TENM3: variants seen among roughly 807,000 people sequenced by gnomAD.
TENM3 encodes the protein teneurin transmembrane protein 3, also known as teneurin-3.
A neutral mutation model predicts 255.1 loss-of-function variants in TENM3; 63 were observed. The ratio of observed to expected loss-of-function variants is 0.25; its 90% CI spans 0.20 to 0.30. The LOEUF is 0.30. TENM3 is among the 10% of genes least tolerant of loss of function. The probability of loss-of-function intolerance (pLI) is 1.00; values close to 1 mark genes in which losing one functional copy is unlikely to be tolerated. For synonymous variants in TENM3, 1,306 were observed against 1,322.3 expected, an observed-to-expected ratio of 0.99 and a Z score of 0.27; for missense variants, 2,929 against 3,461.1, an observed-to-expected ratio of 0.85 and a Z score of 3.86.
the TENM3 span, among the ~76,000 whole-genome samples, chr4:182,056,998 G>A: frequency 6.6e-6 from 1 of 150,906 alleles, no homozygotes; most frequent in Non-Finnish European, 1.5e-5. Context: ...AATCAGATAC[G>A]GCTGATTTCT....
At chr4:182,464,070 A>G (rs1042762640) in intron 3 of TENM3, among the ~76,000 whole-genome samples, 1 of 152,346 alleles carries the variant, frequency 6.6e-6, no homozygotes, top group Admixed American at 6.5e-5. Context: ...CACTTTTATA[A>G]ACATATATAA....
the TENM3 span, among the ~76,000 whole-genome samples, chr4:182,020,084 G>A: frequency 6.6e-6 from 1 of 152,142 alleles, no homozygotes; most frequent in Non-Finnish European, 1.5e-5. Context: ...GTAATCTGGG[G>A]CCAGGTGCTG....
intron 3 of TENM3, among the ~76,000 whole-genome samples, chr4:182,456,859 C>G (rs1326405487): frequency 6.6e-6 from 1 of 152,122 alleles, no homozygotes; most frequent in Non-Finnish European, 1.5e-5. Context: ...TATTTCTGCT[C>G]TCTTGCTCCA....
chr4:182,039,509 A>G, the TENM3 span, among the ~76,000 whole-genome samples: 4 of 152,206 alleles, frequency 2.6e-5, no homozygotes, highest in Non-Finnish European at 5.9e-5. Context: ...AAAAACACCA[A>G]GGACATATAT....
At chr4:182,416,830 T>G (rs1770397632) in intron 3 of TENM3, among the ~76,000 whole-genome samples, 1 of 152,238 alleles carries the variant, frequency 6.6e-6, no homozygotes, top group African/African-American at 2.4e-5. Flanking sequence ...ACAGAGTGCT[T>G]TAGAAAACAA....
chr4:182,161,170 A>T (rs1751127515), intron 1 of TENM3, among the ~76,000 whole-genome samples: 1 of 119,396 alleles, frequency 8.4e-6, no homozygotes, highest in Non-Finnish European at 1.8e-5. Flanking sequence ...TAATCCCAGC[A>T]CTTTGGGAGG....
At chr4:182,532,946 TAATA>T (rs1245519430) in intron 3 of TENM3, among the ~76,000 whole-genome samples, 1 of 152,234 alleles carries the variant, frequency 6.6e-6, no homozygotes, top group Non-Finnish European at 1.5e-5. Flanking sequence ...CCGATGTGGA[TAATA>T]AATGCACCTT....
intron 1 of TENM3, among the ~76,000 whole-genome samples, chr4:182,167,766 C>T (rs1169604530): frequency 6.6e-6 from 1 of 152,036 alleles, no homozygotes; most frequent in Non-Finnish European, 1.5e-5. Context: ...GTCCCAGCTA[C>T]TTGGGAGGCT....
Position 182,773,631 on chromosome 4 carries a change from C to T in TENM3, c.5052C>T (p.Phe1684=). The T allele has an allele frequency of 6.2e-7, 1 of 1,612,294 alleles. No homozygotes were observed. The highest frequency in any genetic ancestry group is 1.1e-5 in the South Asian group (1 of 90,568). ...ITSNLSSIDS[F]YTMVQDQLRN... ...CAAATCTGTCCTCGATCGATTCTTT[C>T]TACACCATGGTTCAAGGTAAACACG... The change falls in exon 23 of 28, where the codon TTC becomes TTT. Residue 1684 remains phenylalanine, a synonymous_variant. Coordinates refer to ENST00000511685, the MANE Select transcript of TENM3 (RefSeq NM_001080477.4).
At chr4:181,460,991 T>C in the TENM3 span, among the ~76,000 whole-genome samples, 1 of 152,044 alleles carries the variant, frequency 6.6e-6, no homozygotes, top group Non-Finnish European at 1.5e-5. Context: ...CATTCAAATT[T>C]CTGACTTTAT....
chr4:181,512,389 C>A, the TENM3 span, among the ~76,000 whole-genome samples: 1 of 152,132 alleles, frequency 6.6e-6, no homozygotes, highest in Non-Finnish European at 1.5e-5. Context: ...AAACAGAGCC[C>A]CCTCTTTTTT....
chr4:182,621,928 T>C lies in TENM3; in HGVS notation c.750-6723T>C, dbSNP rs1284646383. ...AGGTCAAGGCTCCAGTGAGCTGTCTTCACACCACTGTGCACCAGCCTGAGC... is the reference window on the plus strand; with the variant it reads ...AGGTCAAGGCTCCAGTGAGCTGTCTCCACACCACTGTGCACCAGCCTGAGC... On this transcript the variant is annotated intron_variant, in intron 4 of 27. Coordinates refer to ENST00000511685, the MANE Select transcript of TENM3 (RefSeq NM_001080477.4). 2.0e-5 allele frequency among the ~76,000 whole-genome samples: 3 copies of C among 146,940 alleles called. No individual in the cohort carries two copies. In the East Asian group the frequency reaches 6.0e-4, roughly 29 times the overall value.
At chr4:182,100,566 CAT>C in the TENM3 span, among the ~76,000 whole-genome samples, 1,949 of 114,576 alleles carry the variant, frequency 0.017, 89 homozygotes, top group East Asian at 0.13. Flanking sequence ...TATATACACA[CAT>C]ATATATACAC....
chr4:181,719,398 G>T, the TENM3 span, among the ~76,000 whole-genome samples: 1 of 152,088 alleles, frequency 6.6e-6, no homozygotes, highest in African/African-American at 2.4e-5. Flanking sequence ...CACAAACTGG[G>T]TGGCTTATAA....
At chr4:182,029,275 T>C in the TENM3 span, among the ~76,000 whole-genome samples, 5 of 152,112 alleles carry the variant, frequency 3.3e-5, no homozygotes, top group Admixed American at 2.0e-4. Context: ...TCTTGCTCCA[T>C]GATCCAATCA....
At chr4:182,184,547 T>C (rs1753028335) in intron 1 of TENM3, among the ~76,000 whole-genome samples, 1 of 150,892 alleles carries the variant, frequency 6.6e-6, no homozygotes, top group Admixed American at 6.6e-5. Context: ...TGCTTTAATG[T>C]GAATTTTTAG....
intron 6 of TENM3, 45 bp from the exon 7 acceptor site, chr4:182,672,944 CTTTTTTGTTTTGTTTT>C (rs1668139560): frequency 7.9e-7 from 1 of 1,263,222 alleles, no homozygotes; most frequent in Non-Finnish European, 1.1e-6. Flanking sequence ...GTTTAAAAAC[CTTTTTTGTTTTGTTTT>C]TTTAAAAAAA....
the TENM3 span, among the ~76,000 whole-genome samples, chr4:181,759,974 G>A: frequency 5.2e-4 from 79 of 152,158 alleles, no homozygotes; most frequent in African/African-American, 1.8e-3. Flanking sequence ...CAGCAGAGCC[G>A]ATAGGTCTGG....
At chr4:182,367,475 T>G (rs4862043) in intron 3 of TENM3, among the ~76,000 whole-genome samples, 148,675 of 152,252 alleles carry the variant, frequency 0.98, 72,645 homozygotes, top group East Asian at 1. Flanking sequence ...AGCTTGGAAT[T>G]GATGAGTCAA....
Sources: gnomAD v4.1 joint callset for allele counts (sites outside exome capture counted in the v4.1 genomes callset) on GRCh38, gnomAD v4.1.1 for gene constraint, MANE v1.5 for transcripts, NCBI Gene and HGNC (gene_info 2026-07-23, HGNC 2026-07-21) for gene names.